The following KMT2E variants were observed in gnomAD, a reference collection of about 807,000 sequenced individuals.
The protein encoded by KMT2E is histone reader KMT2E.
KMT2E carries 30 observed loss-of-function variants against 184.6 expected under a neutral mutation model. The observed-to-expected ratio is 0.16, with a 90% CI of 0.12 to 0.22. The LOEUF is 0.22. Ranked by LOEUF, KMT2E falls within the 10% of genes least tolerant of loss-of-function variation. KMT2E has a pLI of 1.00. For synonymous variants in KMT2E, 815 were observed against 776.5 expected, an observed-to-expected ratio of 1.05 and a Z score of -0.82; for missense variants, 2,023 against 2,237.4, an observed-to-expected ratio of 0.90 and a Z score of 1.93.
chr7:105,097,433 T>C (rs371205636), intron 15 of KMT2E, among the ~76,000 whole-genome samples: 1 of 152,222 alleles, frequency 6.6e-6, no homozygotes, highest in East Asian at 1.9e-4. Flanking sequence ...TTGCCAGGCC[T>C]GGAGTGCAGT....
Position 105,107,424 on chromosome 7 carries a change from A to G in KMT2E, c.2967A>G (p.Glu989=), listed in dbSNP as rs761955563. 2 of 1,613,162 alleles carry G rather than the reference A, an allele frequency of 1.2e-6. No homozygotes were observed. Among genetic ancestry groups the G allele is most frequent in the East Asian group, 2.2e-5 (1 of 44,878 alleles). Residue 989 remains glutamate (E), a synonymous_variant, in exon 22 of 27, where the codon GAA becomes GAG. Coordinates refer to ENST00000311117, the MANE Select transcript of KMT2E (RefSeq NM_182931.3). ...LGPFRNSNLT[E]LGLQEIKTIG... ...CTTTTAGAAATTCTAATTTAACTGAACTGGGTCTGCAAGAAATAAAGACTA... is the reference window on the plus strand; with the variant it reads ...CTTTTAGAAATTCTAATTTAACTGAGCTGGGTCTGCAAGAAATAAAGACTA...
At chr7:105,110,258 T>A (rs774917825) in intron 23 of KMT2E, 22 bp from the exon 24 acceptor site, 55 of 1,590,152 alleles carry the variant, frequency 3.5e-5, no homozygotes, top group Non-Finnish European at 4.6e-5. Context: ...CAATAGAGGA[T>A]AATGTGATTT....
Position 105,113,557 on chromosome 7 carries a change from G to GT in KMT2E, c.*231dup, listed in dbSNP as rs1799431855. ...TATTTTGTAAGTGAACATTCCAGCT[G>GT]TTTTTTTCTGGCAGATCTGATGCTG... On this transcript the variant is annotated 3_prime_UTR_variant, in exon 27 of 27. Transcript: ENST00000311117. The GT allele has an allele frequency of 1.1e-5, 4 of 377,842 alleles. No homozygotes were observed. The highest frequency in any genetic ancestry group is 4.7e-5 in the East Asian group (1 of 21,118). 23.4% of individuals were successfully genotyped at this position (377,842 alleles called of 1,614,324 possible). A position where few individuals can be genotyped will look rare whatever the true frequency, so the allele number is the denominator to read the frequency against.
chr7:105,112,791 C>CCG lies in KMT2E; in HGVS notation c.5036_5037insGC (p.Pro1680HisfsTer33). 6.4e-7 allele frequency: 1 copy of CCG among 1,564,500 alleles called. No homozygotes were observed. Among genetic ancestry groups the CCG allele is most frequent in the Non-Finnish European group, 8.7e-7 (1 of 1,147,668 alleles). On this transcript the variant is annotated frameshift_variant, in exon 27 of 27. Coordinates refer to ENST00000311117, the MANE Select transcript of KMT2E (RefSeq NM_182931.3). LOFTEE classifies it high-confidence loss of function. ...TCAAACTGCTGGACACCACTTACCC[C>CCG]CACCCCCACCCCCTCCTGGTCCTGC...
chr7:105,043,478 C>T (rs28497984), intron 3 of KMT2E, among the ~76,000 whole-genome samples: 28,604 of 151,588 alleles, frequency 0.19, 3,394 homozygotes, highest in East Asian at 0.58. Flanking sequence ...CCTCGTGATC[C>T]ACCCGCCTCG....
rs780521954 is a variant in KMT2E at position 105,112,602 on chromosome 7, A to C, written c.4846A>C (p.Thr1616Pro). Residue 1616 changes from threonine to proline, a missense_variant, in exon 27 of 27, where the codon ACC becomes CCC. Transcript: ENST00000311117. ...PGHFLPSQNP[T>P]IHHQTAAAVV... Reference sequence around the variant, plus strand: ...GCATTTTTTGCCCTCTCAGAACCCTACCATTCACCATCAAACTGCTGCTGC... The same window carrying C: ...GCATTTTTTGCCCTCTCAGAACCCTCCCATTCACCATCAAACTGCTGCTGC... 1 of 1,613,816 alleles carries C rather than the reference A, an allele frequency of 6.2e-7. No individual in the cohort carries two copies. The highest frequency in any genetic ancestry group is 8.5e-7 in the Non-Finnish European group (1 of 1,179,920).
At chr7:105,027,205 C>T (rs1287375225) in intron 1 of KMT2E, among the ~76,000 whole-genome samples, 1 of 151,378 alleles carries the variant, frequency 6.6e-6, no homozygotes, top group Non-Finnish European at 1.5e-5. Flanking sequence ...CCTCAGCCTC[C>T]CAAGTAACTG....
intron 13 of KMT2E, among the ~76,000 whole-genome samples, chr7:105,085,462 C>G (rs975236911): frequency 1.3e-5 from 2 of 152,104 alleles, no homozygotes; most frequent in Non-Finnish European, 1.5e-5. Context: ...TCAGGAGAAT[C>G]GCTTGAACCT....
intron 1 of KMT2E, among the ~76,000 whole-genome samples, chr7:105,037,252 T>C (rs929419818): frequency 1.3e-5 from 2 of 152,224 alleles, no homozygotes; most frequent in Non-Finnish European, 2.9e-5. Context: ...GAGATTGTTA[T>C]ATTGGGCTCT....
At chr7:105,054,790 C>G (rs1182953525) in intron 3 of KMT2E, among the ~76,000 whole-genome samples, 1 of 152,112 alleles carries the variant, frequency 6.6e-6, no homozygotes, top group Non-Finnish European at 1.5e-5. Context: ...GCTAGGATTA[C>G]AGGCGTGAGC....
At chr7:105,091,625 CTT>C (rs1798207589) in intron 15 of KMT2E, 1 of 440,290 alleles carries the variant, frequency 2.3e-6, no homozygotes, top group African/African-American at 2.0e-5. Flanking sequence ...TTCAGAATGT[CTT>C]TTATTAGCTA....
In KMT2E at chr7:105,034,202, A is replaced by G. The variant is rs73421732; in HGVS notation, c.-188-3924A>G. On this transcript the variant is annotated intron_variant, in intron 1 of 26. Transcript: ENST00000311117. ...TCCCTCAATGGTAAAGTCTTGTAAA[A>G]TTGTGGTACAATGTCCTGACTAGTG... 5.9e-3 allele frequency among the ~76,000 whole-genome samples: 903 copies of G among 152,250 alleles called. 11 individuals are homozygous for G. The highest frequency in any genetic ancestry group is 0.021 in the African/African-American group (854 of 41,524).
At chr7:105,097,991 G>A (rs7810119) in intron 15 of KMT2E, among the ~76,000 whole-genome samples, 41,184 of 151,888 alleles carry the variant, frequency 0.27, 8,221 homozygotes, top group East Asian at 0.58. Context: ...AGAGTGCCAT[G>A]AGTATAAATT....
chr7:105,066,664 T>C (rs1353781224), intron 5 of KMT2E, 63 bp from the exon 6 acceptor site: 1 of 1,298,968 alleles, frequency 7.7e-7, no homozygotes, highest in African/African-American at 1.5e-5. Flanking sequence ...AAATGGAATA[T>C]CAAATCTTAA....
chr7:105,035,411 C>A (rs1197924102), intron 1 of KMT2E, among the ~76,000 whole-genome samples: 1 of 151,060 alleles, frequency 6.6e-6, no homozygotes, highest in Non-Finnish European at 1.5e-5. Flanking sequence ...TCAAATTGTC[C>A]ACCTGCCTCA....
chr7:105,093,289 A>G (rs1041083800), intron 15 of KMT2E, among the ~76,000 whole-genome samples: 3 of 152,190 alleles, frequency 2.0e-5, no homozygotes, highest in African/African-American at 7.2e-5. Flanking sequence ...AATTCTCTTT[A>G]AAAACATTTG....
chr7:105,036,474 G>A (rs531162521), intron 1 of KMT2E, among the ~76,000 whole-genome samples: 4 of 152,182 alleles, frequency 2.6e-5, no homozygotes, highest in Non-Finnish European at 4.4e-5. Context: ...CAGCCATCTG[G>A]CAGTTTTTAA....
Position 105,023,384 on chromosome 7 carries a change from A to G in KMT2E, c.-189+8849A>G, listed in dbSNP as rs187558722. Among the ~76,000 whole-genome samples, 716 of 138,882 alleles carry G rather than the reference A, an allele frequency of 5.2e-3. 10 individuals carry two copies. Among genetic ancestry groups the G allele is most frequent in the Middle Eastern group, 0.026 (7 of 274 alleles). 91.1% of individuals were successfully genotyped at this position (138,882 alleles called of 152,430 possible). ...ACCATTGTACTCCAGCCTGGGTGAC[A>G]AGAGTGAGACTCTGTCTCAAAAAAA... On this transcript the variant is annotated intron_variant, in intron 1 of 26. Coordinates refer to ENST00000311117, the MANE Select transcript of KMT2E (RefSeq NM_182931.3).
intron 13 of KMT2E, among the ~76,000 whole-genome samples, chr7:105,087,309 ATAAAT>A (rs1384892328): frequency 7.3e-6 from 1 of 137,776 alleles, no homozygotes; most frequent in Non-Finnish European, 1.5e-5. Context: ...ATATATAAAT[ATAAAT>A]ATAGCATATA....
Sources: allele counts gnomAD v4.1 joint callset (sites outside exome capture counted in the v4.1 genomes callset), GRCh38; gene constraint gnomAD v4.1.1; transcripts MANE v1.5; gene names NCBI Gene and HGNC (gene_info 2026-07-23, HGNC 2026-07-21).